C1orf141: variants seen among roughly 807,000 people sequenced by gnomAD.
The protein encoded by C1orf141 is chromosome 1 open reading frame 141.
C1orf141 carries 19 observed loss-of-function variants against 23.2 expected under a neutral mutation model. That is an observed-to-expected ratio of 0.82 (90% confidence interval 0.57 to 1.20). C1orf141 has a LOEUF of 1.20. Among genes scored for constraint, C1orf141 ranks in the 50% most tolerant of loss-of-function variants. The probability of loss-of-function intolerance (pLI) is 0.00; values close to 1 mark genes in which losing one functional copy is unlikely to be tolerated. For missense variants in C1orf141, 469 were observed against 455.1 expected (o/e 1.03, Z -0.28); for synonymous variants, 153 against 154.6 (o/e 0.99, Z 0.08).
chr1:67,093,177 G>T lies in C1orf141; in HGVS notation c.1031C>A (p.Thr344Asn), dbSNP rs1307703525. Residue 344 changes from threonine (T) to asparagine (N), a missense_variant, in exon 8 of 8, where the codon ACT becomes AAT. Physicochemically the swap from Thr to Asn is moderately conservative, Grantham distance 65. Transcript: ENST00000684719. ...AGAAAACATTCTTTCAAATTTTCCA[G>T]TTTGGGCACTCATTTCATGAATAAC... ...KAVIHEMSAQ[T>N]GKFERMFSAG... 10 of 1,613,868 alleles carry T rather than the reference G, an allele frequency of 6.2e-6. No homozygotes were observed. Among genetic ancestry groups the T allele is most frequent in the Non-Finnish European group, 7.6e-6 (9 of 1,179,846 alleles).
chr1:67,131,786 CTTTTTTT>C (rs796496335), intron 1 of C1orf141, among the ~76,000 whole-genome samples: 1 of 121,514 alleles, frequency 8.2e-6, no homozygotes, highest in Non-Finnish European at 1.7e-5. Flanking sequence ...ACTACCTCTT[CTTTTTTT>C]TTTTTTTTTT....
chr1:67,127,061 G>C (rs1646429138), intron 3 of C1orf141, 105 bp downstream of exon 3: 1 of 681,074 alleles, frequency 1.5e-6, no homozygotes, highest in African/African-American at 1.9e-5. Context: ...TTACAAATTA[G>C]TTTATATCAT....
upstream of C1orf141, among the ~76,000 whole-genome samples, chr1:67,135,415 C>A (rs563520972): frequency 5.9e-5 from 9 of 152,162 alleles, no homozygotes; most frequent in Non-Finnish European, 5.9e-5. Context: ...CAACAAAAAA[C>A]CATTCTTATT....
chr1:67,137,177 G>A (rs559853407), upstream of C1orf141, among the ~76,000 whole-genome samples: 14 of 152,226 alleles, frequency 9.2e-5, no homozygotes, highest in African/African-American at 3.4e-4. Context: ...TCAAAACCCT[G>A]AATAGAACCC....
At chr1:67,130,362 C>T (rs1425418090) in intron 2 of C1orf141, among the ~76,000 whole-genome samples, 8 of 152,068 alleles carry the variant, frequency 5.3e-5, no homozygotes, top group South Asian at 2.1e-4. Flanking sequence ...GTTTGGGGAA[C>T]GTATAAACTA....
chr1:67,103,131 G>T, intron 5 of C1orf141: 1 of 551,226 alleles, frequency 1.8e-6, no homozygotes, highest in Non-Finnish European at 3.0e-6. Context: ...ATGGTAGTAT[G>T]ATCAAAGACG....
At chr1:67,108,047 A>G (rs10749771) in intron 5 of C1orf141, among the ~76,000 whole-genome samples, 119,034 of 152,060 alleles carry the variant, frequency 0.78, 46,981 homozygotes, top group East Asian at 0.91. Flanking sequence ...CTGGGGATAG[A>G]CTTACTTGTA....
chr1:67,101,539 G>C (rs548508316), intron 5 of C1orf141, among the ~76,000 whole-genome samples: 12 of 145,936 alleles, frequency 8.2e-5, no homozygotes, highest in African/African-American at 3.0e-4. Context: ...TTCTCTACTG[G>C]CTCTTTCAAT....
At chr1:67,129,507 G>A (rs1042210172) in intron 2 of C1orf141, among the ~76,000 whole-genome samples, 5 of 152,108 alleles carry the variant, frequency 3.3e-5, no homozygotes, top group African/African-American at 1.2e-4. Context: ...CCATGGGGGT[G>A]CAAGCAGATA....
intron 5 of C1orf141, among the ~76,000 whole-genome samples, chr1:67,105,210 C>T (rs1482961414): frequency 6.6e-6 from 1 of 151,192 alleles, no homozygotes; most frequent in Non-Finnish European, 1.5e-5. Flanking sequence ...CCTATAGTCC[C>T]AACTACTCGG....
chr1:67,108,631 G>A (rs1262076749), intron 5 of C1orf141, among the ~76,000 whole-genome samples: 2 of 152,116 alleles, frequency 1.3e-5, no homozygotes, highest in African/African-American at 2.4e-5. Flanking sequence ...AGGAAGCTGA[G>A]GCAGTAGAAT....
intron 1 of C1orf141, among the ~76,000 whole-genome samples, chr1:67,140,125 T>G (rs116015596): frequency 0.01 from 1,567 of 152,300 alleles, 35 homozygotes; most frequent in African/African-American, 0.036. Flanking sequence ...AATAATTCCT[T>G]TTCTTTATAA....
chr1:67,113,863 T>C (rs566646164), intron 5 of C1orf141: 14 of 405,424 alleles, frequency 3.5e-5, no homozygotes, highest in Admixed American at 6.3e-5. Context: ...AAAGGCTAGA[T>C]TGAATATTTT....
Position 67,093,280 on chromosome 1 carries a change from A to G in C1orf141, c.928T>C (p.Ser310Pro), listed in dbSNP as rs1254163104. 3 of 1,613,794 alleles carry G rather than the reference A, an allele frequency of 1.9e-6. No homozygotes were observed. The highest frequency in any genetic ancestry group is 4.5e-5 in the East Asian group (2 of 44,836). Reference protein sequence around the residue: ...KTNKQTLENRSWNTLYNFSQN... With the variant: ...KTNKQTLENRPWNTLYNFSQN... ...GAGAAATTATAGAGTGTATTCCAAGATCTGTTTTCTAGTGTCTGCTTATTA... is the reference window on the plus strand; with the variant it reads ...GAGAAATTATAGAGTGTATTCCAAGGTCTGTTTTCTAGTGTCTGCTTATTA... Residue 310 changes from serine to proline, a missense_variant, in exon 8 of 8, where the codon TCT becomes CCT. Transcript: ENST00000684719.
chr1:67,131,578 A>G (rs769451271), intron 1 of C1orf141, among the ~76,000 whole-genome samples: 3 of 152,152 alleles, frequency 2.0e-5, no homozygotes, highest in Non-Finnish European at 4.4e-5. Flanking sequence ...AAGATAGTCC[A>G]GGATCTGGCT....
chr1:67,128,708 GA>G (rs1010838923), intron 2 of C1orf141, among the ~76,000 whole-genome samples: 8 of 147,988 alleles, frequency 5.4e-5, no homozygotes, highest in East Asian at 2.0e-4. Context: ...GTCTCAAAAA[GA>G]AAAAAAAAAT....
At chr1:67,096,152 T>C in intron 6 of C1orf141, 100 bp downstream of exon 6, 1 of 666,272 alleles carries the variant, frequency 1.5e-6, no homozygotes, top group Non-Finnish European at 2.6e-6. Context: ...TGGAACTAAA[T>C]AATAAGGCAG....
chr1:67,105,312 C>A (rs911371767), intron 5 of C1orf141, among the ~76,000 whole-genome samples: 1 of 115,930 alleles, frequency 8.6e-6, no homozygotes. Flanking sequence ...AGCAACAGAG[C>A]GAGACTATTT....
intron 1 of C1orf141, among the ~76,000 whole-genome samples, chr1:67,131,786 C>CTTTTT (rs796496335): frequency 3.4e-4 from 41 of 121,490 alleles, no homozygotes; most frequent in African/African-American, 4.3e-4. Context: ...ACTACCTCTT[C>CTTTTT]TTTTTTTTTT....
Sources: allele counts gnomAD v4.1 joint callset (sites outside exome capture counted in the v4.1 genomes callset), GRCh38; gene constraint gnomAD v4.1.1; transcripts MANE v1.5; gene names NCBI Gene and HGNC (gene_info 2026-07-23, HGNC 2026-07-21).